The following SLC25A21 variants were observed in gnomAD, a reference collection of about 807,000 sequenced individuals.
SLC25A21 encodes the protein solute carrier family 25 member 21, also known as mitochondrial 2-oxodicarboxylate carrier.
A neutral mutation model predicts 43.8 loss-of-function variants in SLC25A21; 47 were observed. The observed-to-expected ratio is 1.07, with a 90% CI of 0.85 to 1.37. The LOEUF (loss-of-function observed/expected upper bound fraction) is 1.37. Ranked by LOEUF, SLC25A21 falls within the 40% of genes most tolerant of loss-of-function variation. SLC25A21 has a pLI of 0.00. For missense variants in SLC25A21, 352 were observed against 350.2 expected, an observed-to-expected ratio of 1.00 and a Z score of -0.04; for synonymous variants, 131 against 121.3, an observed-to-expected ratio of 1.08 and a Z score of -0.52.
chr14:36,808,220 A>G (rs912901106), intron 3 of SLC25A21, among the ~76,000 whole-genome samples: 1 of 152,194 alleles, frequency 6.6e-6, no homozygotes, highest in African/African-American at 2.4e-5. Context: ...ATTTGCCTTG[A>G]GCAAACCAAT....
chr14:36,714,264 T>G (rs1884022551), intron 6 of SLC25A21, among the ~76,000 whole-genome samples: 1 of 152,206 alleles, frequency 6.6e-6, no homozygotes, highest in African/African-American at 2.4e-5. Context: ...GAAAGCTTCT[T>G]TTTTTCTTCA....
chr14:36,962,848 T>C (rs991072562), intron 1 of SLC25A21, among the ~76,000 whole-genome samples: 1 of 152,230 alleles, frequency 6.6e-6, no homozygotes, highest in Non-Finnish European at 1.5e-5. Context: ...GGGTTAGACA[T>C]ACCAAACACA....
At chr14:36,980,023 T>A (rs141137939) in intron 1 of SLC25A21, among the ~76,000 whole-genome samples, 7 of 152,312 alleles carry the variant, frequency 4.6e-5, no homozygotes, top group African/African-American at 1.4e-4. Context: ...TAGTAGTAGT[T>A]ACCTATAGGG....
intron 1 of SLC25A21, among the ~76,000 whole-genome samples, chr14:37,079,577 C>G (rs1962347513): frequency 6.6e-6 from 1 of 152,166 alleles, no homozygotes; most frequent in African/African-American, 2.4e-5. Flanking sequence ...CATGATGCTC[C>G]AGGTTAAAAC....
rs552565184 is a variant in SLC25A21 at position 36,992,162 on chromosome 14, T to C, written c.71-117158A>G. 3.0e-4 allele frequency among the ~76,000 whole-genome samples: 45 copies of C among 152,330 alleles called. 1 individual carries two copies. The highest frequency in any genetic ancestry group is 1.6e-4 in the Non-Finnish European group (11 of 68,026). The stretch of plus-strand genomic sequence containing the variant: ...TAATTGGGTCATCCCTGAGAATCTA[T>C]CTGTGGGTGGACCCGTGCACCCTCC... On this transcript the variant is annotated intron_variant, in intron 1 of 9. Transcript: ENST00000331299.
chr14:37,133,794 C>T (rs1469736700), intron 1 of SLC25A21, among the ~76,000 whole-genome samples: 1 of 152,172 alleles, frequency 6.6e-6, no homozygotes, highest in Non-Finnish European at 1.5e-5. Context: ...ACAAGTGCTA[C>T]TTCCTCTGCC....
intron 1 of SLC25A21, among the ~76,000 whole-genome samples, chr14:36,983,768 C>T (rs1327785771): frequency 1.3e-5 from 2 of 152,004 alleles, no homozygotes; most frequent in African/African-American, 2.4e-5. Context: ...ATAAAGAAAA[C>T]GTGTGGTATA....
At chr14:36,810,854 T>C (rs952223773) in intron 3 of SLC25A21, among the ~76,000 whole-genome samples, 10 of 47,666 alleles carry the variant, frequency 2.1e-4, no homozygotes, top group African/African-American at 6.1e-4. Context: ...GTGCGTGCTA[T>C]ATTTTATACA....
Position 36,750,208 on chromosome 14 carries a change from A to AT in SLC25A21, c.204-15636dup, listed in dbSNP as rs1342693655. The stretch of plus-strand genomic sequence containing the variant: ...TCTTTCACATTCCTACCAAATGTCC[A>AT]TTTTTTTTCTGGTTTCTTACCAAAA... On this transcript the variant is annotated intron_variant, in intron 3 of 9. Coordinates refer to ENST00000331299, the MANE Select transcript of SLC25A21 (RefSeq NM_030631.4). 4.6e-5 allele frequency among the ~76,000 whole-genome samples: 7 copies of AT among 152,126 alleles called. No homozygotes were observed. In the South Asian group the frequency reaches 6.2e-4, roughly 14 times the overall value.
intron 1 of SLC25A21, among the ~76,000 whole-genome samples, chr14:37,057,527 C>A (rs1158512057): frequency 6.6e-6 from 1 of 152,060 alleles, no homozygotes; most frequent in Non-Finnish European, 1.5e-5. Flanking sequence ...GAAATTCTCC[C>A]AGTTAAATCA....
chr14:37,050,056 C>T (rs1277220517), intron 1 of SLC25A21, among the ~76,000 whole-genome samples: 1 of 152,186 alleles, frequency 6.6e-6, no homozygotes, highest in African/African-American at 2.4e-5. Flanking sequence ...TTGCATACTT[C>T]TACAACAGCA....
intron 2 of SLC25A21, among the ~76,000 whole-genome samples, chr14:36,854,979 G>A (rs915518918): frequency 6.6e-6 from 1 of 151,896 alleles, no homozygotes; most frequent in Non-Finnish European, 1.5e-5. Flanking sequence ...GGTGGCAGCA[G>A]TTTGCCCAAG....
At chr14:36,750,991 T>A (rs1479514315) in intron 3 of SLC25A21, among the ~76,000 whole-genome samples, 2 of 152,226 alleles carry the variant, frequency 1.3e-5, no homozygotes, top group African/African-American at 4.8e-5. Context: ...CACTGACTAC[T>A]AGTTCATACC....
At chr14:37,142,515 C>G (rs1963587760) in intron 1 of SLC25A21, among the ~76,000 whole-genome samples, 1 of 152,132 alleles carries the variant, frequency 6.6e-6, no homozygotes, top group Non-Finnish European at 1.5e-5. Context: ...CAGGTGCTAC[C>G]ATATCTGGTT....
chr14:37,146,356 C>A (rs1456220659), intron 1 of SLC25A21, among the ~76,000 whole-genome samples: 1 of 152,024 alleles, frequency 6.6e-6, no homozygotes, highest in Non-Finnish European at 1.5e-5. Flanking sequence ...AGCAATCCTC[C>A]CACATCAACC....
At chr14:36,761,679 T>G (rs57705591) in intron 3 of SLC25A21, among the ~76,000 whole-genome samples, 6,664 of 152,272 alleles carry the variant, frequency 0.044, 497 homozygotes, top group African/African-American at 0.15. Flanking sequence ...AATTTAAGAA[T>G]TAACATGGGA....
intron 1 of SLC25A21, among the ~76,000 whole-genome samples, chr14:37,049,525 T>C (rs1021487876): frequency 1.3e-5 from 2 of 152,042 alleles, no homozygotes; most frequent in African/African-American, 4.8e-5. Flanking sequence ...TGAGCTGTGA[T>C]CACACCACTG....
intron 1 of SLC25A21, among the ~76,000 whole-genome samples, chr14:37,135,719 G>A (rs958375500): frequency 6.6e-6 from 1 of 152,054 alleles, no homozygotes; most frequent in African/African-American, 2.4e-5. Flanking sequence ...TTTGTTGAAT[G>A]GGAAAAATAG....
intron 1 of SLC25A21, among the ~76,000 whole-genome samples, chr14:37,115,183 G>A (rs1378367241): frequency 2.6e-5 from 4 of 152,122 alleles, no homozygotes; most frequent in South Asian, 2.1e-4. Flanking sequence ...TATCCTACAA[G>A]CCTGGCTAAG....
Sources: allele counts gnomAD v4.1 joint callset (sites outside exome capture counted in the v4.1 genomes callset), GRCh38; gene constraint gnomAD v4.1.1; transcripts MANE v1.5; gene names NCBI Gene and HGNC (gene_info 2026-07-23, HGNC 2026-07-21).